GRID2: variants seen among roughly 807,000 people sequenced by gnomAD.
GRID2 encodes the protein glutamate receptor ionotropic, delta-2.
A neutral mutation model predicts 114.8 loss-of-function variants in GRID2; 33 were observed. The observed-to-expected ratio is 0.29, with a 90% CI of 0.22 to 0.38. GRID2 has a LOEUF of 0.38. Among genes scored for constraint, GRID2 ranks in the 10% least tolerant of loss-of-function variants. The probability of loss-of-function intolerance (pLI) is 1.00; values close to 1 mark genes in which losing one functional copy is unlikely to be tolerated. For synonymous variants in GRID2, 505 were observed against 449.9 expected (o/e 1.12, Z -1.55); for missense variants, 1,184 against 1,257.7 (o/e 0.94, Z 0.89).
intron 2 of GRID2, among the ~76,000 whole-genome samples, chr4:92,836,896 A>G (rs1245350072): frequency 5.9e-5 from 9 of 152,166 alleles, no homozygotes; most frequent in Admixed American, 5.9e-4. Flanking sequence ...GAAACAGCAA[A>G]GCACAGATCT....
At chr4:92,586,542 C>T (rs1214400511) in intron 1 of GRID2, among the ~76,000 whole-genome samples, 1 of 151,822 alleles carries the variant, frequency 6.6e-6, no homozygotes, top group Non-Finnish European at 1.5e-5. Flanking sequence ...AACAGAAGTA[C>T]TGTAGCTTGT....
chr4:93,624,196 CTATT>C (rs755801520), intron 13 of GRID2, among the ~76,000 whole-genome samples: 1 of 151,606 alleles, frequency 6.6e-6, no homozygotes, highest in African/African-American at 2.4e-5. Context: ...TATGATCAAT[CTATT>C]TTTTTAATCT....
intron 2 of GRID2, among the ~76,000 whole-genome samples, chr4:92,714,590 A>G (rs1435462528): frequency 6.6e-6 from 1 of 152,220 alleles, no homozygotes; most frequent in Non-Finnish European, 1.5e-5. Context: ...CTAGACATCT[A>G]GGCATTTCCA....
At chr4:93,171,280 G>C (rs1480552523) in intron 4 of GRID2, among the ~76,000 whole-genome samples, 1 of 152,024 alleles carries the variant, frequency 6.6e-6, no homozygotes, top group African/African-American at 2.4e-5. Flanking sequence ...CAACTGTGTG[G>C]TCTTTCCTCC....
At chr4:93,533,290 CTTCCTTCCTTCCTTCCTTCCTTCCTTCT>C (rs1560722421) in intron 13 of GRID2, among the ~76,000 whole-genome samples, 3 of 134,642 alleles carry the variant, frequency 2.2e-5, no homozygotes, top group South Asian at 2.3e-4. Flanking sequence ...TCCTTCCTTC[CTTCCTTCCTTCCTTCCTTCCTTCCTTCT>C]TTCCTTTCTT....
intron 2 of GRID2, among the ~76,000 whole-genome samples, chr4:92,946,692 C>A (rs1372866851): frequency 6.6e-6 from 1 of 152,088 alleles, no homozygotes; most frequent in East Asian, 1.9e-4. Context: ...AAAGGCCTTA[C>A]ATCAGATGGA....
downstream of GRID2, among the ~76,000 whole-genome samples, chr4:93,776,905 C>T (rs188035281): frequency 1.7e-4 from 26 of 152,332 alleles, no homozygotes; most frequent in Admixed American, 7.8e-4. Flanking sequence ...AACTCCTTTT[C>T]TATCCCTGCA....
intron 2 of GRID2, among the ~76,000 whole-genome samples, chr4:92,679,556 A>T (rs1218403302): frequency 1.3e-5 from 2 of 152,080 alleles, no homozygotes; most frequent in African/African-American, 4.8e-5. Flanking sequence ...TCAACTATTT[A>T]TTTTTAATAC....
At chr4:92,481,985 T>G (rs1041734331) in intron 1 of GRID2, among the ~76,000 whole-genome samples, 27 of 18,968 alleles carry the variant, frequency 1.4e-3, no homozygotes, top group Admixed American at 6.7e-3. Flanking sequence ...AAATGTGATA[T>G]ATATATATAT....
intron 11 of GRID2, among the ~76,000 whole-genome samples, chr4:93,476,421 CT>C (rs1725326591): frequency 6.6e-6 from 1 of 152,096 alleles, no homozygotes; most frequent in South Asian, 2.1e-4. Flanking sequence ...GTTTGAATAT[CT>C]TTCCCTCTTT....
At chr4:92,652,819 A>T (rs1353227515) in intron 2 of GRID2, among the ~76,000 whole-genome samples, 2 of 138,832 alleles carry the variant, frequency 1.4e-5, no homozygotes, top group Non-Finnish European at 3.1e-5. Context: ...ATATATATAT[A>T]TATAAATATA....
intron 4 of GRID2, among the ~76,000 whole-genome samples, chr4:93,161,231 C>G (rs1031655343): frequency 6.6e-6 from 1 of 151,802 alleles, no homozygotes; most frequent in Non-Finnish European, 1.5e-5. Context: ...TTCTGAGAAA[C>G]TTTTATTTAA....
chr4:92,810,862 G>T (rs2149378838), intron 2 of GRID2, among the ~76,000 whole-genome samples: 1 of 152,160 alleles, frequency 6.6e-6, no homozygotes, highest in East Asian at 1.9e-4. Flanking sequence ...CACAATCTTG[G>T]CTCACTGCAA....
At chr4:93,411,430 G>C (rs1242965806) in intron 9 of GRID2, among the ~76,000 whole-genome samples, 3 of 140,928 alleles carry the variant, frequency 2.1e-5, no homozygotes, top group Non-Finnish European at 4.5e-5. Flanking sequence ...TAATTGAATA[G>C]ATTTTTTTTT....
At chr4:93,627,799 A>T (rs1259693512) in intron 14 of GRID2, among the ~76,000 whole-genome samples, 1 of 152,222 alleles carries the variant, frequency 6.6e-6, no homozygotes, top group Admixed American at 6.5e-5. Flanking sequence ...ACAGATCACA[A>T]ACCAAAGCAA....
At chr4:92,393,709 TTAC>T (rs1730360069) in intron 1 of GRID2, among the ~76,000 whole-genome samples, 1 of 152,164 alleles carries the variant, frequency 6.6e-6, no homozygotes, top group Admixed American at 6.6e-5. Context: ...TTGGGGAAAC[TTAC>T]CAGTTTGTAT....
At chr4:92,433,107 G>T (rs904501113) in intron 1 of GRID2, among the ~76,000 whole-genome samples, 7 of 152,118 alleles carry the variant, frequency 4.6e-5, no homozygotes, top group Non-Finnish European at 7.4e-5. Context: ...ATGTGGCTGA[G>T]CTGGTATCCA....
chr4:92,953,305 A>G (rs2050740706), intron 2 of GRID2, among the ~76,000 whole-genome samples: 1 of 152,152 alleles, frequency 6.6e-6, no homozygotes, highest in Non-Finnish European at 1.5e-5. Flanking sequence ...TCGAAAAGTA[A>G]GCTCTGTGTT....
At chr4:92,805,789 T>G (rs1740382048) in intron 2 of GRID2, among the ~76,000 whole-genome samples, 1 of 151,894 alleles carries the variant, frequency 6.6e-6, no homozygotes, top group South Asian at 2.1e-4. Context: ...AAAGTGAAAC[T>G]CTCTCTTAAA....
Sources: gnomAD v4.1 joint callset for allele counts (sites outside exome capture counted in the v4.1 genomes callset) on GRCh38, gnomAD v4.1.1 for gene constraint, MANE v1.5 for transcripts, NCBI Gene and HGNC (gene_info 2026-07-23, HGNC 2026-07-21) for gene names.